Variants in AKAP13 observed in about 807,000 individuals in gnomAD.
AKAP13 encodes A-kinase anchoring protein 13, also known as A-kinase anchor protein 13.
AKAP13 carries 80 observed loss-of-function variants against 264.5 expected under a neutral mutation model. That is an observed-to-expected ratio of 0.30 (90% CI 0.25 to 0.36). The LOEUF is 0.36. Ranked by LOEUF, AKAP13 falls within the 10% of genes least tolerant of loss-of-function variation. The pLI is 1.00. For synonymous variants in AKAP13, 1,380 were observed against 1,250.2 expected, an observed-to-expected ratio of 1.10 and a Z score of -2.19; for missense variants, 3,712 against 3,435.2, an observed-to-expected ratio of 1.08 and a Z score of -2.01.
chr15:85,522,215 A>G (rs2076847552), intron 3 of AKAP13, among the ~76,000 whole-genome samples: 1 of 152,066 alleles, frequency 6.6e-6, no homozygotes, highest in African/African-American at 2.4e-5. Context: ...CTCAGTTCTC[A>G]TTAGGAAAGG....
chr15:85,394,241 T>C (rs1016926605), intron 1 of AKAP13, among the ~76,000 whole-genome samples: 1 of 152,234 alleles, frequency 6.6e-6, no homozygotes, highest in African/African-American at 2.4e-5. Flanking sequence ...TAAACATCTT[T>C]TCTTACCTGC....
intron 17 of AKAP13, among the ~76,000 whole-genome samples, chr15:85,695,681 G>A: frequency 6.6e-6 from 1 of 152,126 alleles, no homozygotes; most frequent in South Asian, 2.1e-4. Flanking sequence ...AAAACCATGA[G>A]AGCTCTCACC....
chr15:85,491,113 C>A (rs1019833543), intron 2 of AKAP13, among the ~76,000 whole-genome samples: 2 of 152,086 alleles, frequency 1.3e-5, no homozygotes, highest in African/African-American at 4.8e-5. Context: ...CCAATCTCTT[C>A]TGCATGAGGT....
rs532525914 is a variant in AKAP13, at chr15:85,718,841, A to C, written c.6002-235A>C. Reference sequence around the variant, plus strand: ...CTTGAGCCCAGGAGGTTGAGGCTGCAATGAGCCATGACTTCAGCCTGCACT... The same window carrying C: ...CTTGAGCCCAGGAGGTTGAGGCTGCCATGAGCCATGACTTCAGCCTGCACT... On this transcript the variant is annotated intron_variant, in intron 22 of 36. Transcript: ENST00000394518. The surrounding 1 kb of genome is among the most constrained non-coding windows in gnomAD (Gnocchi z 4.9). 27 of 488,478 alleles carry C rather than the reference A, an allele frequency of 5.5e-5. No individual in the cohort carries two copies. The Admixed American group carries it at 9.5e-4, about 17-fold the overall frequency. The allele number at this position is 488,478 out of a possible 1,614,324, so 30.3% of individuals were successfully genotyped here.
intron 8 of AKAP13, among the ~76,000 whole-genome samples, chr15:85,588,510 A>C (rs892125167): frequency 6.6e-6 from 1 of 152,216 alleles, no homozygotes; most frequent in African/African-American, 2.4e-5. Flanking sequence ...GATTAGAGTC[A>C]TTGAATCCAG....
chr15:85,540,730 A>C (rs181168787), intron 4 of AKAP13, among the ~76,000 whole-genome samples: 2 of 152,386 alleles, frequency 1.3e-5, no homozygotes, highest in Admixed American at 1.3e-4. Context: ...ATATTCGTTT[A>C]TCCCTTTGCA....
chr15:85,407,157 G>T (rs907395130), intron 1 of AKAP13, among the ~76,000 whole-genome samples: 2 of 151,512 alleles, frequency 1.3e-5, no homozygotes, highest in Non-Finnish European at 2.9e-5. Flanking sequence ...CAATGTTAGA[G>T]TACCAACTTT....
intron 4 of AKAP13, 58 bp from the exon 5 acceptor site, chr15:85,543,713 TG>T (rs1179330758): frequency 6.6e-7 from 1 of 1,519,728 alleles, no homozygotes. Context: ...TCTTTATGTT[TG>T]TTTGTTTTTT....
At chr15:85,695,005 TAA>T (rs927135001) in intron 17 of AKAP13, among the ~76,000 whole-genome samples, 64 of 152,192 alleles carry the variant, frequency 4.2e-4, no homozygotes, top group African/African-American at 1.5e-3. Flanking sequence ...TTGCCCAGGC[TAA>T]GTCTTGACCT....
intron 1 of AKAP13, chr15:85,415,564 A>T (rs1479180602): frequency 2.8e-6 from 4 of 1,436,652 alleles, no homozygotes; most frequent in Non-Finnish European, 3.9e-6. Context: ...AAATTGAAAG[A>T]TGGGAAATTA....
At chr15:85,730,393 GGGGA>G in intron 29 of AKAP13, 116 bp from the exon 30 acceptor site, 3 of 940,248 alleles carry the variant, frequency 3.2e-6, no homozygotes, top group Non-Finnish European at 4.9e-6. Context: ...CAGTGTGGGT[GGGGA>G]GGGTGTCCTG....
chr15:85,447,127 C>T (rs560510855), intron 1 of AKAP13, among the ~76,000 whole-genome samples: 4 of 152,054 alleles, frequency 2.6e-5, no homozygotes, highest in South Asian at 2.1e-4. Flanking sequence ...ATTAGCTGGG[C>T]GTGGTGGTGC....
chr15:85,582,659 T>TG (rs2079173490), intron 7 of AKAP13, among the ~76,000 whole-genome samples: 1 of 127,814 alleles, frequency 7.8e-6, no homozygotes, highest in Non-Finnish European at 1.7e-5. Flanking sequence ...TGGTTTTTTG[T>TG]TTGTTTGTTT....
At chr15:85,479,331 T>C (rs1466254097) in intron 1 of AKAP13, among the ~76,000 whole-genome samples, 1 of 152,206 alleles carries the variant, frequency 6.6e-6, no homozygotes, top group Non-Finnish European at 1.5e-5. Context: ...GAACATTGAC[T>C]CTTTTACAAG....
chr15:85,424,974 A>G (rs529574993), intron 1 of AKAP13, among the ~76,000 whole-genome samples: 108 of 152,362 alleles, frequency 7.1e-4, no homozygotes, highest in African/African-American at 2.5e-3. Flanking sequence ...CTGTGGGCAC[A>G]GTTGGTGGTG....
At chr15:85,633,634 C>T (rs1232798076) in intron 8 of AKAP13, among the ~76,000 whole-genome samples, 4 of 149,428 alleles carry the variant, frequency 2.7e-5, no homozygotes, top group African/African-American at 7.4e-5. Flanking sequence ...AGCTGAGCCT[C>T]CCGGGTTCAC....
At chr15:85,454,845 C>T (rs1031521292) in intron 1 of AKAP13, among the ~76,000 whole-genome samples, 1 of 152,156 alleles carries the variant, frequency 6.6e-6, no homozygotes, top group African/African-American at 2.4e-5. Flanking sequence ...TTGAGTTACT[C>T]ACTGAAGATC....
At chr15:85,584,177 A>T (rs12906184) in intron 7 of AKAP13, among the ~76,000 whole-genome samples, 1 of 151,974 alleles carries the variant, frequency 6.6e-6, no homozygotes. Context: ...GTGAGAAGAC[A>T]TAGGTTTAAC....
chr15:85,525,058 A>ATT (rs11419433), intron 3 of AKAP13, among the ~76,000 whole-genome samples: 42,443 of 129,400 alleles, frequency 0.33, 9,240 homozygotes, highest in South Asian at 0.47. Flanking sequence ...CTATCTTTAA[A>ATT]TTTTTTTTTT....
Sources: gnomAD v4.1 joint callset for allele counts (sites outside exome capture counted in the v4.1 genomes callset) on GRCh38, gnomAD v4.1.1 for gene constraint, Gnocchi (gnomAD v3.1) non-coding constraint, MANE v1.5 for transcripts, NCBI Gene and HGNC (gene_info 2026-07-23, HGNC 2026-07-21) for gene names.